MAP3K8: variants seen among roughly 807,000 people sequenced by gnomAD.
MAP3K8 encodes mitogen-activated protein kinase kinase kinase 8.
MAP3K8 carries 22 observed loss-of-function variants against 45.8 expected under a neutral mutation model. The ratio of observed to expected loss-of-function variants is 0.48; its 90% CI spans 0.34 to 0.69. MAP3K8 has a LOEUF of 0.69. Ranked by LOEUF, MAP3K8 falls within the 30% of genes least tolerant of loss-of-function variation. The probability of loss-of-function intolerance (pLI) is 0.01; values close to 1 mark genes in which losing one functional copy is unlikely to be tolerated. For missense variants in MAP3K8, 419 were observed against 585.0 expected, an observed-to-expected ratio of 0.72 and a Z score of 2.93; for synonymous variants, 223 against 214.3, an observed-to-expected ratio of 1.04 and a Z score of -0.36.
At position 30,460,725 on chromosome 10, in the gene MAP3K8, C is replaced by T. The variant is rs775479695; in HGVS notation, c.1293C>T (p.Ser431=). Residue 431 remains serine, a synonymous_variant, in exon 9 of 9, where the codon AGC becomes AGT. Transcript: ENST00000263056. ...ENIADSSCTG[S]TEESEMLKRQ... ...TTTCAGATTCTTCGTGCACAGGAAG[C>T]ACCGAGGAATCTGAGATGCTCAAGA... The T allele has an allele frequency of 5.0e-6, 8 of 1,611,020 alleles. No individual in the cohort carries two copies. In the South Asian group the frequency reaches 6.6e-5, roughly 13 times the overall value.
intron 2 of MAP3K8, 77 bp from the exon 3 acceptor site, chr10:30,438,839 C>T (rs1835997652): frequency 6.5e-6 from 5 of 766,950 alleles, no homozygotes; most frequent in Middle Eastern, 3.8e-4. Flanking sequence ...GTTGCCAATC[C>T]TTGTATGTCA....
In MAP3K8 at chr10:30,449,842, G is replaced by A. The variant is rs570958880; in HGVS notation, c.505-416G>A. ...ATTTTAAATACATTGCTATAATAGAGTATGAACTGTGGCAACAAACACTTC... is the reference window on the plus strand; with the variant it reads ...ATTTTAAATACATTGCTATAATAGAATATGAACTGTGGCAACAAACACTTC... On this transcript the variant is annotated intron_variant, in intron 4 of 8. Transcript: ENST00000263056. Among the ~76,000 whole-genome samples, 7 of 152,210 alleles carry A rather than the reference G, an allele frequency of 4.6e-5. No individual in the cohort carries two copies. The East Asian group carries it at 1.4e-3, about 29-fold the overall frequency.
intron 6 of MAP3K8, among the ~76,000 whole-genome samples, chr10:30,456,420 C>T (rs141811755): frequency 1.9e-4 from 29 of 152,158 alleles, no homozygotes; most frequent in African/African-American, 7.0e-4. Context: ...GGAAGCTGGC[C>T]CGGAAGTGGC....
chr10:30,448,414 T>TTTATTATTATTATTATTA (rs1554773753), intron 4 of MAP3K8, among the ~76,000 whole-genome samples: 34 of 136,442 alleles, frequency 2.5e-4, no homozygotes, highest in East Asian at 1.1e-3. Flanking sequence ...CTATCCCAAA[T>TTTATTATTATTATTATTA]TTATTATTAT....
At chr10:30,436,050 T>A (rs1018769595) in intron 1 of MAP3K8, among the ~76,000 whole-genome samples, 1 of 152,228 alleles carries the variant, frequency 6.6e-6, no homozygotes, top group Admixed American at 6.5e-5. Context: ...CTGAAATAAT[T>A]CAGTGTAACT....
chr10:30,451,753 G>A lies in MAP3K8; in HGVS notation c.873+9G>A, dbSNP rs748268594. The A allele has an allele frequency of 7.0e-7, 1 of 1,426,354 alleles. No homozygotes were observed. Among genetic ancestry groups the A allele is most frequent in the South Asian group, 1.3e-5 (1 of 74,856 alleles). The allele number at this position is 1,426,354 out of a possible 1,614,324, so 88.4% of individuals were successfully genotyped here. On this transcript the variant is annotated intron_variant, in intron 6 of 8. Transcript: ENST00000263056. The stretch of plus-strand genomic sequence containing the variant: ...ACCTCCGAGGAACAGAGGTAATTAT[G>A]TTCACATGAAAAGGGTTACTATTTT...
chr10:30,455,572 A>T (rs1836704800), intron 6 of MAP3K8, among the ~76,000 whole-genome samples: 1 of 152,232 alleles, frequency 6.6e-6, no homozygotes, highest in Non-Finnish European at 1.5e-5. Flanking sequence ...TACATAGTGA[A>T]TGCGAATAAC....
chr10:30,461,206 T>C lies in MAP3K8; in HGVS notation c.*370T>C. ...ACTATTCTTGGTTCTTATTTAAGTA[T>C]GGAATATTCATTTTACTCAGAATAG... On this transcript the variant is annotated 3_prime_UTR_variant, in exon 9 of 9. Coordinates refer to ENST00000263056, the MANE Select transcript of MAP3K8 (RefSeq NM_005204.4). The C allele has an allele frequency of 4.1e-6, 1 of 241,568 alleles. No individual in the cohort carries two copies. The highest frequency in any genetic ancestry group is 1.5e-4 in the South Asian group (1 of 6,582). The allele number at this position is 241,568 out of a possible 1,614,324, so 15.0% of individuals were successfully genotyped here. A position where few individuals can be genotyped will look rare whatever the true frequency, so the allele number is the denominator to read the frequency against.
intron 4 of MAP3K8, among the ~76,000 whole-genome samples, chr10:30,449,200 A>C (rs868028344): frequency 6.6e-6 from 1 of 152,132 alleles, no homozygotes; most frequent in East Asian, 1.9e-4. Context: ...GAAGGGGCCA[A>C]GAGGGGGGCT....
At chr10:30,446,234 A>AC (rs1302657549) in intron 3 of MAP3K8, among the ~76,000 whole-genome samples, 1 of 152,084 alleles carries the variant, frequency 6.6e-6, no homozygotes, top group Non-Finnish European at 1.5e-5. Flanking sequence ...AAGGTCCTTT[A>AC]ATAGTTTCAC....
In MAP3K8 at chr10:30,460,983, C is replaced by A; in HGVS notation, c.*147C>A. 3 of 926,672 alleles carry A rather than the reference C, an allele frequency of 3.2e-6. No homozygotes were observed. Among genetic ancestry groups the A allele is most frequent in the Admixed American group, 2.8e-5 (1 of 35,952 alleles). 57.4% of individuals were successfully genotyped at this position (926,672 alleles called of 1,614,324 possible). A position where few individuals can be genotyped will look rare whatever the true frequency, so the allele number is the denominator to read the frequency against. On this transcript the variant is annotated 3_prime_UTR_variant, in exon 9 of 9. Coordinates refer to ENST00000263056, the MANE Select transcript of MAP3K8 (RefSeq NM_005204.4). Reference sequence around the variant, plus strand: ...TGTGACCCGTGAATGTGCCTCCAAGCGGCCCTGTGTGTTTGACATGTGAAG... The same window carrying A: ...TGTGACCCGTGAATGTGCCTCCAAGAGGCCCTGTGTGTTTGACATGTGAAG...
intron 4 of MAP3K8, among the ~76,000 whole-genome samples, chr10:30,449,059 A>G (rs1372318731): frequency 6.6e-6 from 1 of 152,236 alleles, no homozygotes; most frequent in African/African-American, 2.4e-5. Context: ...CATTATGTTG[A>G]GCCCAAATAG....
chr10:30,437,193 C>T lies in MAP3K8; in HGVS notation c.-237C>T, dbSNP rs982086696. 4 of 985,012 alleles carry T rather than the reference C, an allele frequency of 4.1e-6. No individual in the cohort carries two copies. The highest frequency in any genetic ancestry group is 1.1e-4 in the East Asian group (1 of 8,828). The allele number at this position is 985,012 out of a possible 1,614,324, so 61.0% of individuals were successfully genotyped here. The stretch of plus-strand genomic sequence containing the variant: ...TGTTTTAGATGCAATCTTCTTACCG[C>T]GAAGAAGCCAGGGGAATAGGTAGCC... On this transcript the variant is annotated 5_prime_UTR_variant, in exon 2 of 9. Transcript: ENST00000263056.
At chr10:30,441,281 C>T (rs1316567491) in intron 3 of MAP3K8, among the ~76,000 whole-genome samples, 3 of 152,030 alleles carry the variant, frequency 2.0e-5, no homozygotes, top group African/African-American at 7.3e-5. Context: ...CTCTGCCTCC[C>T]GAGTTGCTGG....
intron 4 of MAP3K8, among the ~76,000 whole-genome samples, chr10:30,449,284 G>C (rs537209064): frequency 1.3e-5 from 2 of 152,150 alleles, no homozygotes; most frequent in East Asian, 3.9e-4. Context: ...TAGCTCTGTC[G>C]CCCAGGCTGG....
intron 6 of MAP3K8, among the ~76,000 whole-genome samples, chr10:30,453,753 G>C (rs755767573): frequency 6.6e-6 from 1 of 152,064 alleles, no homozygotes; most frequent in Non-Finnish European, 1.5e-5. Context: ...AGGGATGGGC[G>C]TGGTGTTCTC....
chr10:30,452,779 T>G (rs1470375961), intron 6 of MAP3K8, among the ~76,000 whole-genome samples: 1 of 152,050 alleles, frequency 6.6e-6, no homozygotes, highest in Non-Finnish European at 1.5e-5. Flanking sequence ...ACCTCCTGGG[T>G]TCAAGCGCTT....
At position 30,460,854 on chromosome 10, in the gene MAP3K8, C is replaced by G. The variant is rs1247244441; in HGVS notation, c.*18C>G. 6.2e-7 allele frequency: 1 copy of G among 1,612,462 alleles called. No individual in the cohort carries two copies. Among genetic ancestry groups the G allele is most frequent in the African/African-American group, 1.3e-5 (1 of 75,008 alleles). On this transcript the variant is annotated 3_prime_UTR_variant, in exon 9 of 9. Coordinates refer to ENST00000263056, the MANE Select transcript of MAP3K8 (RefSeq NM_005204.4). The stretch of plus-strand genomic sequence containing the variant: ...ATGGCTGAAGGATGCCATGTTTGCT[C>G]TAAATTAAGACAGCATTGATCTCCT...
intron 7 of MAP3K8, 152 bp from the exon 8 acceptor site, chr10:30,459,103 A>T: frequency 1.3e-6 from 1 of 760,860 alleles, no homozygotes; most frequent in Non-Finnish European, 2.1e-6. Flanking sequence ...AAGAAATTAA[A>T]GGGAAGCTTG....
Sources: gnomAD v4.1 joint callset for allele counts (sites outside exome capture counted in the v4.1 genomes callset) on GRCh38, gnomAD v4.1.1 for gene constraint, MANE v1.5 for transcripts, NCBI Gene and HGNC (gene_info 2026-07-23, HGNC 2026-07-21) for gene names.